The following FRMPD2 variants were observed in gnomAD, a reference collection of about 807,000 sequenced individuals.
The protein encoded by FRMPD2 is FERM and PDZ domain-containing protein 2.
In FRMPD2, 96 loss-of-function variants were observed where a neutral mutation model predicts 140.1. The ratio of observed to expected loss-of-function variants is 0.69; its 90% confidence interval spans 0.58 to 0.81. The LOEUF (loss-of-function observed/expected upper bound fraction) is 0.81, where lower values mean the gene tolerates loss of function less well. Among genes scored for constraint, FRMPD2 ranks in the 40% least tolerant of loss-of-function variants. The probability of loss-of-function intolerance (pLI) is 0.00; values close to 1 mark genes in which losing one functional copy is unlikely to be tolerated. For missense variants in FRMPD2, 1,240 were observed against 1,447.4 expected (o/e 0.86, Z 2.32); for synonymous variants, 449 against 547.6 (o/e 0.82, Z 2.52).
chr10:48,191,037 C>G (rs1838819339), intron 16 of FRMPD2, among the ~76,000 whole-genome samples: 1 of 152,234 alleles, frequency 6.6e-6, no homozygotes, highest in South Asian at 2.1e-4. Flanking sequence ...TATTTCTGCT[C>G]CCTTTGAATC....
chr10:48,273,767 A>G (rs1840808316), intron 1 of FRMPD2, among the ~76,000 whole-genome samples: 1 of 152,150 alleles, frequency 6.6e-6, no homozygotes, highest in South Asian at 2.1e-4. Flanking sequence ...GGAGATACCA[A>G]GTAAGTTCTC....
Position 48,206,834 on chromosome 10 carries a change from C to T in FRMPD2, c.1711G>A (p.Gly571Ser), listed in dbSNP as rs2131873767. The T allele has an allele frequency of 1.2e-6, 2 of 1,614,044 alleles. No individual in the cohort carries two copies. Among genetic ancestry groups the T allele is most frequent in the East Asian group, 4.5e-5 (2 of 44,874 alleles). The change falls in exon 14 of 29, where the codon GGT becomes AGT. Residue 571 changes from glycine (G) to serine (S), a missense_variant. Transcript: ENST00000374201. ...EEMALGICAK[G>S]VIVYEVKNNS... ...TTTTTCACTTCATAGACTATGACAC[C>T]CTTGGCACAGATCCCCAGGGCCATC...
Position 48,195,289 on chromosome 10 carries a change from CT to C in FRMPD2, c.1955-2396del, listed in dbSNP as rs1271003270. Among the ~76,000 whole-genome samples, 5 of 152,214 alleles carry C rather than the reference CT, an allele frequency of 3.3e-5. No homozygotes were observed. The East Asian group carries it at 9.6e-4, about 29-fold the overall frequency. On this transcript the variant is annotated intron_variant, in intron 15 of 28. Transcript: ENST00000374201. ...GCTGACAGATCCTGCCTATTTAGTC[CT>C]GAAATTATGCATTTGTAAAAGCTCA...
At chr10:48,273,945 T>G (rs894856876) in intron 1 of FRMPD2, among the ~76,000 whole-genome samples, 1 of 152,222 alleles carries the variant, frequency 6.6e-6, no homozygotes, top group Non-Finnish European at 1.5e-5. Flanking sequence ...TTCTTTCCTT[T>G]AAGCATACAA....
Position 48,232,233 on chromosome 10 carries a change from G to T in FRMPD2, c.1050C>A (p.Asn350Lys). The change falls in exon 10 of 29, where the codon AAC becomes AAA. Residue 350 changes from asparagine (N) to lysine (K), a missense_variant. Around this residue, in one of 6 missense-constraint regions of FRMPD2, gnomAD observed 1,161 missense variants for 1,055.9 expected, o/e 1.10. Coordinates refer to ENST00000374201, the MANE Select transcript of FRMPD2 (RefSeq NM_001018071.4). The stretch of plus-strand genomic sequence containing the variant: ...CACATTTTACCTCCAGGTGCTGCCC[G>T]TTCAGCAGGACCACACAGAGGTCCC... ...ALRDLCVVLL[N>K]GQHLEVKCDV... The T allele has an allele frequency of 6.2e-7, 1 of 1,614,100 alleles. No homozygotes were observed. Among genetic ancestry groups the T allele is most frequent in the Non-Finnish European group, 8.5e-7 (1 of 1,179,972 alleles).
At chr10:48,220,453 A>C (rs1053476395) in intron 12 of FRMPD2, among the ~76,000 whole-genome samples, 2 of 152,204 alleles carry the variant, frequency 1.3e-5, no homozygotes, top group African/African-American at 4.8e-5. Context: ...TGGATCAAAG[A>C]CTTAAATCTA....
intron 13 of FRMPD2, 44 bp from the exon 14 acceptor site, chr10:48,206,977 T>G: frequency 6.3e-7 from 1 of 1,581,810 alleles, no homozygotes; most frequent in Non-Finnish European, 8.6e-7. Flanking sequence ...GGCACATGGT[T>G]TAAAATAATG....
At chr10:48,199,916 A>G (rs1839042608) in intron 15 of FRMPD2, 1 of 152,092 alleles carries the variant, frequency 6.6e-6, no homozygotes, top group Non-Finnish European at 1.5e-5. Context: ...ATCTTGTGCA[A>G]TTTTACAGCT....
At chr10:48,188,728 G>A (rs745734548) in intron 16 of FRMPD2, among the ~76,000 whole-genome samples, 16 of 152,224 alleles carry the variant, frequency 1.1e-4, no homozygotes, top group Non-Finnish European at 2.2e-4. Flanking sequence ...GCCTTCAGGT[G>A]GCCTTTACGG....
chr10:48,240,640 T>C, intron 5 of FRMPD2, 148 bp from the exon 6 acceptor site: 1 of 1,088,156 alleles, frequency 9.2e-7, no homozygotes, highest in Admixed American at 2.2e-5. Flanking sequence ...GCACCCAGAA[T>C]GTGCTCTGTG....
At chr10:48,201,032 C>A (rs997907332) in intron 15 of FRMPD2, among the ~76,000 whole-genome samples, 196 bp downstream of exon 15, 11 of 152,162 alleles carry the variant, frequency 7.2e-5, no homozygotes, top group African/African-American at 2.2e-4. Flanking sequence ...AATTTATCCT[C>A]CCAGTGTTAT....
chr10:48,222,023 T>TGG (rs1554796571), intron 12 of FRMPD2, among the ~76,000 whole-genome samples: 4 of 149,984 alleles, frequency 2.7e-5, no homozygotes, highest in Middle Eastern at 3.4e-3. Context: ...GATGGATGGA[T>TGG]AGATGGATGG....
intron 2 of FRMPD2, among the ~76,000 whole-genome samples, chr10:48,251,177 C>T (rs1280341187): frequency 3.3e-5 from 5 of 152,168 alleles, no homozygotes; most frequent in Non-Finnish European, 5.9e-5. Flanking sequence ...TGGGTGACCA[C>T]ACCCTGCCTC....
intron 1 of FRMPD2, among the ~76,000 whole-genome samples, chr10:48,273,780 T>G (rs1049992458): frequency 6.6e-6 from 1 of 152,154 alleles, no homozygotes; most frequent in African/African-American, 2.4e-5. Flanking sequence ...AAGTTCTCGT[T>G]GAATTAATGA....
chr10:48,206,875 C>T lies in FRMPD2; in HGVS notation c.1670G>A (p.Arg557Lys), dbSNP rs1463259044. 2.5e-6 allele frequency: 4 copies of T among 1,614,108 alleles called. No homozygotes were observed. The South Asian group carries it at 3.3e-5, about 13-fold the overall frequency. The change falls in exon 14 of 29, where the codon AGG becomes AAG. Residue 557 changes from arginine (R) to lysine (K), a missense_variant. Transcript: ENST00000374201. ...CAGGGCCATCTCCTCTTCTGGCCTC[C>T]TCTTCTCTGAGAATACTTGGTGAAC... ...VLVHQVFSEKRRPEEEMALGI... is the reference protein window; with the variant it reads ...VLVHQVFSEKKRPEEEMALGI...
At chr10:48,190,741 T>G (rs1251036006) in intron 16 of FRMPD2, among the ~76,000 whole-genome samples, 1 of 152,114 alleles carries the variant, frequency 6.6e-6, no homozygotes, top group African/African-American at 2.4e-5. Context: ...AAGATTAGAG[T>G]TATACCGAAT....
chr10:48,242,210 CCAGCAGGGGCTGGGTAGA>C lies in FRMPD2; in HGVS notation c.500_517del (p.Val167_Ala172del). ...GCCAACCAGCCTTCTGATGTGGAGA[CCAGCAGGGGCTGGGTAGA>C]CAGACACTTCTTTCTCATGAACCCG... On this transcript the variant is annotated inframe_deletion, in exon 5 of 29. Transcript: ENST00000374201. 2 of 1,614,114 alleles carry C rather than the reference CCAGCAGGGGCTGGGTAGA, an allele frequency of 1.2e-6. No homozygotes were observed. Among genetic ancestry groups the C allele is most frequent in the Non-Finnish European group, 1.7e-6 (2 of 1,179,984 alleles).
At chr10:48,224,146 T>C (rs1437081228) in intron 10 of FRMPD2, among the ~76,000 whole-genome samples, 1 of 152,128 alleles carries the variant, frequency 6.6e-6, no homozygotes, top group Non-Finnish European at 1.5e-5. Flanking sequence ...AAGTGTGTCC[T>C]CCAGTACCCC....
chr10:48,212,225 T>A, intron 12 of FRMPD2, 116 bp from the exon 13 acceptor site: 1 of 975,270 alleles, frequency 1.0e-6, no homozygotes, highest in South Asian at 1.6e-5. Flanking sequence ...AGAAAGACAC[T>A]TCCTCGAGGT....
Sources: allele counts gnomAD v4.1 joint callset (sites outside exome capture counted in the v4.1 genomes callset), GRCh38; gene constraint gnomAD v4.1.1; regional missense constraint gnomAD v4.1.1; transcripts MANE v1.5; gene names NCBI Gene and HGNC (gene_info 2026-07-23, HGNC 2026-07-21).